DLGAP2: variants seen among roughly 807,000 people sequenced by gnomAD.
The protein encoded by DLGAP2 is DLG associated protein 2, also known as disks large-associated protein 2.
In DLGAP2, 26 loss-of-function variants were observed where a neutral mutation model predicts 100.3. The ratio of observed to expected loss-of-function variants is 0.26; its 90% confidence interval spans 0.19 to 0.36. The LOEUF is 0.36. DLGAP2 is among the 10% of genes least tolerant of loss of function. The pLI, the probability that DLGAP2 is intolerant of heterozygous loss-of-function variation, is 1.00. For missense variants in DLGAP2, 1,858 were observed against 1,453.2 expected, an observed-to-expected ratio of 1.28 and a Z score of -4.53; for synonymous variants, 886 against 630.1, an observed-to-expected ratio of 1.41 and a Z score of -6.08.
intron 6 of DLGAP2, among the ~76,000 whole-genome samples, chr8:1,585,919 C>T (rs1044699825): frequency 5.3e-5 from 8 of 152,170 alleles, no homozygotes; most frequent in South Asian, 4.1e-4. Flanking sequence ...TTATCCTGTC[C>T]GGACACTTTC....
chr8:1,281,225 C>T (rs145052444), intron 3 of DLGAP2, among the ~76,000 whole-genome samples: 48 of 152,342 alleles, frequency 3.2e-4, no homozygotes, highest in Admixed American at 1.6e-3. Flanking sequence ...TTCACAACTT[C>T]AGAATACAGA....
chr8:1,273,466 G>T (rs769623181), intron 3 of DLGAP2, among the ~76,000 whole-genome samples: 3 of 152,182 alleles, frequency 2.0e-5, no homozygotes, highest in Admixed American at 2.0e-4. Context: ...TTAACTTGAC[G>T]AGTTTTATGC....
At chr8:999,776 G>A (rs1285523486) in intron 2 of DLGAP2, among the ~76,000 whole-genome samples, 1 of 152,204 alleles carries the variant, frequency 6.6e-6, no homozygotes. Context: ...ACTGCACCCG[G>A]CTGGTGGTGT....
chr8:1,090,413 C>T (rs1168994163), intron 2 of DLGAP2, among the ~76,000 whole-genome samples: 3 of 152,374 alleles, frequency 2.0e-5, no homozygotes, highest in African/African-American at 7.2e-5. Flanking sequence ...CACTCTGGGG[C>T]CCTCCTGGCC....
intron 6 of DLGAP2, among the ~76,000 whole-genome samples, chr8:1,613,689 A>C (rs150599681): frequency 3.0e-4 from 46 of 152,240 alleles, no homozygotes; most frequent in African/African-American, 1.1e-3. Context: ...CTAAATTAAC[A>C]TATTTTGGGA....
intron 4 of DLGAP2, among the ~76,000 whole-genome samples, chr8:1,508,790 G>A (rs1205154172): frequency 2.0e-5 from 3 of 151,776 alleles, no homozygotes; most frequent in African/African-American, 7.2e-5. Flanking sequence ...GCAAATGAGT[G>A]CGGACTAAGC....
intron 1 of DLGAP2, among the ~76,000 whole-genome samples, chr8:788,897 GAC>G (rs1659884144): frequency 6.6e-6 from 1 of 152,168 alleles, no homozygotes; most frequent in African/African-American, 2.4e-5. Flanking sequence ...TTCCTGGTGA[GAC>G]ACCTTTAGCC....
intron 1 of DLGAP2, among the ~76,000 whole-genome samples, chr8:780,263 C>T (rs950625155): frequency 3.3e-5 from 5 of 152,146 alleles, no homozygotes; most frequent in African/African-American, 1.2e-4. Flanking sequence ...ATGTGCCTGG[C>T]TTTTTTCACT....
chr8:806,475 T>TA (rs1796272624), intron 1 of DLGAP2, among the ~76,000 whole-genome samples: 1 of 151,986 alleles, frequency 6.6e-6, no homozygotes, highest in African/African-American at 2.4e-5. Context: ...TCCTGGGAAG[T>TA]ATGGAGAGGT....
chr8:1,169,358 G>T lies in DLGAP2; in HGVS notation c.74-89493G>T, dbSNP rs187428081. Among the ~76,000 whole-genome samples, 65 of 152,208 alleles carry T rather than the reference G, an allele frequency of 4.3e-4. 1 individual carries two copies. The South Asian group carries it at 0.012, about 29-fold the overall frequency. ...TCTTTTGGCTTAGGATTGACTTGGC[G>T]ATGCGGGCTCTTTCTTGGTTCCATA... On this transcript the variant is annotated intron_variant, in intron 2 of 14. Transcript: ENST00000637795.
chr8:785,150 G>C (rs1443290175), intron 1 of DLGAP2, among the ~76,000 whole-genome samples: 2 of 144,040 alleles, frequency 1.4e-5, no homozygotes, highest in Non-Finnish European at 3.0e-5. Flanking sequence ...CTGGGAGGCG[G>C]AGTTTGCAGT....
chr8:910,803 T>G (rs1798469374), intron 2 of DLGAP2, among the ~76,000 whole-genome samples: 1 of 152,118 alleles, frequency 6.6e-6, no homozygotes, highest in South Asian at 2.1e-4. Context: ...TTGGTGTCCT[T>G]GCAGGGGGTT....
chr8:1,137,441 C>G (rs974050672), intron 2 of DLGAP2: 1 of 152,606 alleles, frequency 6.6e-6, no homozygotes, highest in African/African-American at 2.4e-5. Context: ...AGGACACTGT[C>G]CCATTGCTGC....
intron 2 of DLGAP2, among the ~76,000 whole-genome samples, chr8:1,212,655 G>A (rs961166925): frequency 6.6e-6 from 1 of 152,048 alleles, no homozygotes; most frequent in African/African-American, 2.4e-5. Flanking sequence ...TCTGGGTTTT[G>A]GAGGACTGTT....
At chr8:974,735 G>C (rs1419762793) in intron 2 of DLGAP2, among the ~76,000 whole-genome samples, 17 of 152,012 alleles carry the variant, frequency 1.1e-4, no homozygotes, top group Non-Finnish European at 2.4e-4. Flanking sequence ...AAATTTTTGA[G>C]ATACCAAAAA....
At chr8:901,725 C>T (rs958473124) in intron 1 of DLGAP2, among the ~76,000 whole-genome samples, 19 of 152,228 alleles carry the variant, frequency 1.2e-4, no homozygotes, top group Non-Finnish European at 2.5e-4. Flanking sequence ...GATGGCAGCA[C>T]GGGGCGTCCC....
chr8:1,591,548 C>A (rs1796291218), intron 6 of DLGAP2, among the ~76,000 whole-genome samples: 3 of 152,112 alleles, frequency 2.0e-5, no homozygotes, highest in Admixed American at 2.0e-4. Flanking sequence ...CCCACTCCAC[C>A]TCCACTGTTC....
intron 4 of DLGAP2, among the ~76,000 whole-genome samples, chr8:1,507,768 C>G (rs973220773): frequency 1.5e-4 from 21 of 143,632 alleles, no homozygotes; most frequent in Non-Finnish European, 3.0e-4. Flanking sequence ...CCGAGTCTTC[C>G]TCCTTCACCC....
At position 1,135,265 on chromosome 8, in the gene DLGAP2, C is replaced by G. The variant is rs531190634; in HGVS notation, c.74-123586C>G. On this transcript the variant is annotated intron_variant, in intron 2 of 14. Coordinates refer to ENST00000637795, the MANE Select transcript of DLGAP2 (RefSeq NM_001346810.2). ...TGTCAGTTAGTATTTTCCAAGCTGC[C>G]TAAGGAAAACCTTTGTCCCCAAATC... Among the ~76,000 whole-genome samples, 12 of 152,152 alleles carry G rather than the reference C, an allele frequency of 7.9e-5. No individual in the cohort carries two copies. In the South Asian group the frequency reaches 8.3e-4, roughly 11 times the overall value.
Sources: gnomAD v4.1 joint callset for allele counts (sites outside exome capture counted in the v4.1 genomes callset) on GRCh38, gnomAD v4.1.1 for gene constraint, MANE v1.5 for transcripts, NCBI Gene and HGNC (gene_info 2026-07-23, HGNC 2026-07-21) for gene names.